Variants in OPHN1 observed in about 807,000 individuals in gnomAD.
The protein encoded by OPHN1 is oligophrenin 1.
Under a neutral mutation model 60.7 loss-of-function variants are expected in OPHN1, and 11 were observed. That is an observed-to-expected ratio of 0.18 (90% confidence interval 0.11 to 0.30). OPHN1 has a LOEUF of 0.30. Among genes scored for constraint, OPHN1 ranks in the 10% least tolerant of loss-of-function variants. The probability of loss-of-function intolerance (pLI) is 1.00; values close to 1 mark genes in which losing one functional copy is unlikely to be tolerated. For missense variants in OPHN1, 449 were observed against 611.0 expected, an observed-to-expected ratio of 0.73 and a Z score of 2.80; for synonymous variants, 226 against 222.6, an observed-to-expected ratio of 1.02 and a Z score of -0.14.
rs1266981689 is a variant in OPHN1 at position 68,426,569 on chromosome X, T to TATATATATATATATAA, written c.154+6297_154+6298insTTATATATATATATAT. On this transcript the variant is annotated intron_variant, in intron 2 of 24. Transcript: ENST00000355520. The stretch of plus-strand genomic sequence containing the variant: ...CATCTGTTTTATATATATATATATA[T>TATATATATATATATAA]ACATACACAGAGGCTGGGCGTGATG... Among the ~76,000 whole-genome samples, 91 of 41,598 alleles carry TATATATATATATATAA rather than the reference T, an allele frequency of 2.2e-3. 9 individuals carry two copies. The highest frequency in any genetic ancestry group is 9.9e-3 in the East Asian group (8 of 805). 36.1% of individuals were successfully genotyped at this position (41,598 alleles called of 115,157 possible). A position where few individuals can be genotyped will look rare whatever the true frequency, so the allele number is the denominator to read the frequency against.
rs553600120 is a variant in OPHN1, at chrX:68,294,776, T to C, written c.250+4225A>G. Among the ~76,000 whole-genome samples, 98 of 111,826 alleles carry C rather than the reference T, an allele frequency of 8.8e-4. 1 individual carries two copies. The highest frequency in any genetic ancestry group is 3.0e-3 in the African/African-American group (91 of 30,823). On this transcript the variant is annotated intron_variant, in intron 3 of 24. Coordinates refer to ENST00000355520, the MANE Select transcript of OPHN1 (RefSeq NM_002547.3). ...TCTGGATCTCAGTTTCTCCATCTGT[T>C]GAATTGAGGGATAAACTTGCTACTA...
chrX:68,354,452 CAAAA>C (rs1172935913), intron 2 of OPHN1, among the ~76,000 whole-genome samples: 3 of 24,843 alleles, frequency 1.2e-4, no homozygotes, highest in Non-Finnish European at 1.4e-4. Context: ...GACTCCATCT[CAAAA>C]AAAAAAAAAA....
chrX:68,393,901 T>G (rs976339603), intron 2 of OPHN1, among the ~76,000 whole-genome samples: 1 of 77,589 alleles, frequency 1.3e-5, no homozygotes, highest in Non-Finnish European at 2.6e-5. Flanking sequence ...TTTTTTTTTT[T>G]TTTTTTTTTT....
intron 15 of OPHN1, among the ~76,000 whole-genome samples, chrX:68,188,516 A>G (rs1003475745): frequency 2.7e-5 from 3 of 112,176 alleles, no homozygotes; most frequent in Non-Finnish European, 5.6e-5. Context: ...GTATACATAT[A>G]CACACATATA....
chrX:68,267,905 C>A (rs1250851556), intron 5 of OPHN1, among the ~76,000 whole-genome samples: 3 of 111,903 alleles, frequency 2.7e-5, no homozygotes, highest in African/African-American at 9.7e-5. Flanking sequence ...ACTATAAACA[C>A]CTCTATGCAA....
At chrX:68,300,561 AC>A (rs1569273035) in intron 2 of OPHN1, among the ~76,000 whole-genome samples, 2 of 112,513 alleles carry the variant, frequency 1.8e-5, no homozygotes, top group Non-Finnish European at 1.9e-5. Context: ...AATCTAAGCC[AC>A]ATGAATGTGA....
chrX:68,185,314 T>C (rs1274937371), intron 15 of OPHN1, among the ~76,000 whole-genome samples: 1 of 112,363 alleles, frequency 8.9e-6, no homozygotes, highest in Non-Finnish European at 1.9e-5. Flanking sequence ...AAACATTCTC[T>C]AGGAAGAGAC....
At chrX:68,125,930 AATATATAT>A (rs59058075) in intron 15 of OPHN1, among the ~76,000 whole-genome samples, 8 of 22,260 alleles carry the variant, frequency 3.6e-4, no homozygotes, top group Admixed American at 1.4e-3. Context: ...ACCACTGATC[AATATATAT>A]ATATATATAT....
chrX:68,217,714 G>A (rs1179565108), intron 6 of OPHN1, among the ~76,000 whole-genome samples: 1 of 110,217 alleles, frequency 9.1e-6, no homozygotes, highest in Non-Finnish European at 1.9e-5. Flanking sequence ...CTGCAGCTGA[G>A]GGTCCTCTCT....
intron 2 of OPHN1, among the ~76,000 whole-genome samples, chrX:68,336,240 T>A (rs1199768482): frequency 9.0e-6 from 1 of 111,080 alleles, no homozygotes; most frequent in Non-Finnish European, 1.9e-5. Context: ...AAAGACAGTA[T>A]AGGCCAGGAA....
At chrX:68,363,961 C>A (rs7051542) in intron 2 of OPHN1, among the ~76,000 whole-genome samples, 34,269 of 110,567 alleles carry the variant, frequency 0.31, 7,732 homozygotes, top group African/African-American at 0.81. Context: ...ATTTTCCATA[C>A]TAATGTTTTT....
At chrX:68,309,003 T>G (rs1261182445) in intron 2 of OPHN1, among the ~76,000 whole-genome samples, 2 of 111,015 alleles carry the variant, frequency 1.8e-5, no homozygotes, top group Admixed American at 1.9e-4. Context: ...AGGAGGCCGA[T>G]CTCAAACTCC....
At chrX:68,317,376 AAAGG>A (rs771749142) in intron 2 of OPHN1, among the ~76,000 whole-genome samples, 672 of 50,414 alleles carry the variant, frequency 0.013, 15 homozygotes, top group Non-Finnish European at 0.016. Flanking sequence ...AGAAAGAAAG[AAAGG>A]AAGGAAGGAA....
chrX:68,242,976 T>C (rs1255628291), intron 5 of OPHN1, among the ~76,000 whole-genome samples: 1 of 111,329 alleles, frequency 9.0e-6, no homozygotes, highest in Non-Finnish European at 1.9e-5. Context: ...CAAGTGATTT[T>C]CCTGCCTCAG....
At chrX:68,225,723 G>A (rs905784766) in intron 6 of OPHN1, among the ~76,000 whole-genome samples, 6 of 111,822 alleles carry the variant, frequency 5.4e-5, no homozygotes, top group East Asian at 5.6e-4. Flanking sequence ...CCATCTGTGC[G>A]TCACCATCAT....
chrX:68,288,873 C>T (rs1327578133), intron 3 of OPHN1, among the ~76,000 whole-genome samples: 2 of 112,153 alleles, frequency 1.8e-5, no homozygotes, highest in African/African-American at 6.5e-5. Context: ...AAGCCTCTTA[C>T]GGATCTATTT....
chrX:68,270,133 T>G (rs975626423), intron 5 of OPHN1, among the ~76,000 whole-genome samples: 1 of 111,195 alleles, frequency 9.0e-6, no homozygotes, highest in African/African-American at 3.3e-5. Flanking sequence ...ACTTTTACAC[T>G]GTTGGTGGGA....
At chrX:68,333,036 G>T (rs892649206) in intron 2 of OPHN1, among the ~76,000 whole-genome samples, 1 of 110,564 alleles carries the variant, frequency 9.0e-6, no homozygotes, top group East Asian at 2.8e-4. Flanking sequence ...GAAAGGAACC[G>T]AAACACTAAA....
chrX:68,076,565 C>A (rs2076954641), intron 19 of OPHN1, among the ~76,000 whole-genome samples: 1 of 111,849 alleles, frequency 8.9e-6, no homozygotes, highest in South Asian at 3.7e-4. Context: ...GTTTTACAGT[C>A]TCTTCCAGAA....
Sources: allele counts gnomAD v4.1 joint callset (sites outside exome capture counted in the v4.1 genomes callset), GRCh38; gene constraint gnomAD v4.1.1; transcripts MANE v1.5; gene names NCBI Gene and HGNC (gene_info 2026-07-23, HGNC 2026-07-21).